The following SETD1A variants were observed in gnomAD, a reference collection of about 807,000 sequenced individuals.
The protein encoded by SETD1A is SET domain containing 1A, histone lysine methyltransferase, also known as histone-lysine N-methyltransferase SETD1A.
SETD1A carries 29 observed loss-of-function variants against 149.9 expected under a neutral mutation model. The ratio of observed to expected loss-of-function variants is 0.19; its 90% CI spans 0.14 to 0.26. The LOEUF (loss-of-function observed/expected upper bound fraction) is 0.26, where lower values mean the gene tolerates loss of function less well. SETD1A is among the 10% of genes least tolerant of loss of function. The pLI, the probability that SETD1A is intolerant of heterozygous loss-of-function variation, is 1.00. For missense variants in SETD1A, 2,109 were observed against 2,353.1 expected (o/e 0.90, Z 2.15); for synonymous variants, 1,141 against 968.5 (o/e 1.18, Z -3.31).
chr16:30,971,596 C>T lies in SETD1A; in HGVS notation c.3235C>T (p.Pro1079Ser). The stretch of plus-strand genomic sequence containing the variant: ...GCCAGCAGCCCTTCCCTCAGCCTCC[C>T]CGCCCCCCAGAGAAGTCCCAGTGCC... ...ERPAALPSAS[P>S]PPREVPVPTP... The change falls in exon 13 of 19, where the codon CCG (proline) becomes TCG (serine). Residue 1079 changes from proline (P) to serine (S), a missense_variant. Physicochemically the swap from Pro to Ser is moderately conservative, Grantham distance 74. Transcript: ENST00000262519. 3 of 1,613,898 alleles carry T rather than the reference C, an allele frequency of 1.9e-6. No homozygotes were observed. The highest frequency in any genetic ancestry group is 2.5e-6 in the Non-Finnish European group (3 of 1,179,968).
intron 13 of SETD1A, 122 bp from the exon 14 acceptor site, chr16:30,979,023 G>T: frequency 1.0e-6 from 1 of 994,144 alleles, no homozygotes; most frequent in Non-Finnish European, 1.5e-6. Context: ...GGGCGTCTGT[G>T]TTCCCTCCGG....
At chr16:30,976,015 G>A (rs2056279971) in intron 13 of SETD1A, among the ~76,000 whole-genome samples, 1 of 151,062 alleles carries the variant, frequency 6.6e-6, no homozygotes, top group South Asian at 2.1e-4. Flanking sequence ...TCGGTGGGGA[G>A]GCAGGGAGAT....
chr16:30,967,449 C>G lies in SETD1A; in HGVS notation c.2683-52C>G. 9 of 1,549,970 alleles carry G rather than the reference C, an allele frequency of 5.8e-6. 2 individuals carry two copies. The South Asian group carries it at 1.0e-4, about 17-fold the overall frequency. On this transcript the variant is annotated intron_variant, in intron 9 of 18. Coordinates refer to ENST00000262519, the MANE Select transcript of SETD1A (RefSeq NM_014712.3). The stretch of plus-strand genomic sequence containing the variant: ...GATTACAGGAGTGAGCCACCGTGCT[C>G]TGCCTGAGTGTTTGAGCTCTAAACA...
intron 4 of SETD1A, 74 bp from the exon 5 acceptor site, chr16:30,963,359 G>A: frequency 7.1e-7 from 1 of 1,398,932 alleles, no homozygotes. Context: ...TGAGGCCTGA[G>A]AAAGCAGGAA....
At chr16:30,970,169 A>G (rs1338971761) in intron 12 of SETD1A, among the ~76,000 whole-genome samples, 1 of 150,812 alleles carries the variant, frequency 6.6e-6, no homozygotes, top group South Asian at 2.1e-4. Flanking sequence ...GGGTTTCACT[A>G]TGTTGGCCAG....
rs1343198542 is a variant in SETD1A at position 30,979,526 on chromosome 16, C to T, written c.3740C>T (p.Pro1247Leu). ...GRLTEEEEAE[P>L]GTEVDLAVLA... ...CTCACCGAGGAAGAGGAGGCTGAGC[C>T]AGGGACAGAGGTGGACCTGGCGGTC... Residue 1247 changes from proline to leucine, a missense_variant, in exon 14 of 19, where the codon CCA (proline) becomes CTA (leucine). By Grantham distance (98) the Pro-to-Leu change is moderately conservative. Coordinates refer to ENST00000262519, the MANE Select transcript of SETD1A (RefSeq NM_014712.3). The T allele has an allele frequency of 5.0e-6, 8 of 1,608,046 alleles. No homozygotes were observed. Among genetic ancestry groups the T allele is most frequent in the Non-Finnish European group, 6.8e-6 (8 of 1,178,344 alleles).
At position 30,984,095 on chromosome 16, in the gene SETD1A, C is replaced by A; in HGVS notation, c.*72C>A. ...CCCTGAGCTCCCAGCACCCCCCCAG[C>A]CTTAGTGGGCTCAGCAGGGCCCACA... On this transcript the variant is annotated 3_prime_UTR_variant, in exon 19 of 19. Transcript: ENST00000262519. 7.1e-7 allele frequency: 1 copy of A among 1,417,164 alleles called. No homozygotes were observed. The highest frequency in any genetic ancestry group is 9.6e-7 in the Non-Finnish European group (1 of 1,045,934). The allele number at this position is 1,417,164 out of a possible 1,614,324, so 87.8% of individuals were successfully genotyped here. A position where few individuals can be genotyped will look rare whatever the true frequency, so the allele number is the denominator to read the frequency against.
At position 30,984,328 on chromosome 16, in the gene SETD1A, G is replaced by T. The variant is rs2056425602; in HGVS notation, c.*305G>T. On this transcript the variant is annotated 3_prime_UTR_variant, in exon 19 of 19. Coordinates refer to ENST00000262519, the MANE Select transcript of SETD1A (RefSeq NM_014712.3). ...TGCCGGCCTGTACAGATTCTGTCCTGGGGGGCTACACAGTCCTCTTGCTTT... is the reference window on the plus strand; with the variant it reads ...TGCCGGCCTGTACAGATTCTGTCCTTGGGGGCTACACAGTCCTCTTGCTTT... 1.8e-5 allele frequency: 7 copies of T among 393,764 alleles called. No homozygotes were observed. Among genetic ancestry groups the T allele is most frequent in the South Asian group, 8.6e-5 (3 of 34,818 alleles). 24.4% of individuals were successfully genotyped at this position (393,764 alleles called of 1,614,324 possible).
At position 30,980,792 on chromosome 16, in the gene SETD1A, C is replaced by G. The variant is rs148017984; in HGVS notation, c.4635C>G (p.Ser1545Arg). The G allele has an allele frequency of 6.2e-7, 1 of 1,612,908 alleles. No individual in the cohort carries two copies. Among genetic ancestry groups the G allele is most frequent in the Non-Finnish European group, 8.5e-7 (1 of 1,179,926 alleles). Residue 1545 changes from serine to arginine, a missense_variant, in exon 16 of 19, where the codon AGC (serine) becomes AGG (arginine). Ser to Arg is a moderately radical substitution (Grantham distance 110). This residue lies in a region of SETD1A where 254 missense variants were observed against 409.3 expected (regional missense o/e 0.62). Transcript: ENST00000262519. This position sits in a 1 kb window ranked among gnomAD's most constrained non-coding sequence, Gnocchi z 7.7. ...GGTCCGAGCAGCGGCGGCTGCTGAG[C>G]GCCATCGGTACCTCCGCCATCATGG... Reference protein sequence around the residue: ...ERRSEQRRLLSAIGTSAIMDS... With the variant: ...ERRSEQRRLLRAIGTSAIMDS...
At position 30,959,955 on chromosome 16, in the gene SETD1A, C is replaced by T. The variant is rs189297856; in HGVS notation, c.246+769C>T. Among the ~76,000 whole-genome samples, 51 of 152,206 alleles carry T rather than the reference C, an allele frequency of 3.4e-4. 3 individuals are homozygous for T. In the East Asian group the frequency reaches 3.7e-3, roughly 11 times the overall value. Reference sequence around the variant, plus strand: ...GGATTTAAAACAAATTATCTACCTCCTTAACCTACCTTTTTCATTTTCCCT... The same window carrying T: ...GGATTTAAAACAAATTATCTACCTCTTTAACCTACCTTTTTCATTTTCCCT... On this transcript the variant is annotated intron_variant, in intron 3 of 18. Transcript: ENST00000262519.
In SETD1A at chr16:30,966,252, G is replaced by A. The variant is rs769934494; in HGVS notation, c.2371G>A (p.Val791Met). The A allele has an allele frequency of 7.4e-6, 12 of 1,613,762 alleles. No homozygotes were observed. Among genetic ancestry groups the A allele is most frequent in the African/African-American group, 4.0e-5 (3 of 74,958 alleles). The change falls in exon 8 of 19, where the codon GTG (valine) becomes ATG (methionine). Residue 791 changes from valine to methionine, a missense_variant. Val to Met is a conservative substitution (Grantham distance 21). This residue lies in a region of SETD1A where 431 missense variants were observed against 388.6 expected (regional missense o/e 1.11). Transcript: ENST00000262519. Reference protein sequence around the residue: ...EGKTLPTAGTVGRVLAMLVQE... With the variant: ...EGKTLPTAGTMGRVLAMLVQE... ...CAAGACCCTCCCGACAGCAGGCACC[G>A]TGGGCCGTGTGCTCGCCATGCTGGT...
chr16:30,965,366 C>T lies in SETD1A; in HGVS notation c.1624C>T (p.Pro542Ser). 3 of 1,611,638 alleles carry T rather than the reference C, an allele frequency of 1.9e-6. No individual in the cohort carries two copies. Among genetic ancestry groups the T allele is most frequent in the Non-Finnish European group, 2.5e-6 (3 of 1,177,922 alleles). Reference sequence around the variant, plus strand: ...GTCAGGGCATGGGCCCTGCACACCCCCTCCGGCCCCAGCTAATTTTGAGGA... The same window carrying T: ...GTCAGGGCATGGGCCCTGCACACCCTCTCCGGCCCCAGCTAATTTTGAGGA... ...SGSGHGPCTPPPAPANFEDVA... is the reference protein window; with the variant it reads ...SGSGHGPCTPSPAPANFEDVA... The change falls in exon 7 of 19, where the codon CCT (proline) becomes TCT (serine). Residue 542 changes from proline to serine, a missense_variant. Physicochemically the swap from Pro to Ser is moderately conservative, Grantham distance 74 (BLOSUM62 -1). Transcript: ENST00000262519.
intron 5 of SETD1A, 131 bp from the exon 6 acceptor site, chr16:30,963,963 G>A: frequency 1.3e-6 from 1 of 745,606 alleles, no homozygotes; most frequent in Non-Finnish European, 2.2e-6. Context: ...CTGGACTCCA[G>A]CCTGGGCAAT....
chr16:30,965,323 G>A lies in SETD1A; in HGVS notation c.1581G>A (p.Gly527=). 1 of 1,614,236 alleles carries A rather than the reference G, an allele frequency of 6.2e-7. No homozygotes were observed. The highest frequency in any genetic ancestry group is 1.1e-5 in the South Asian group (1 of 91,088). Residue 527 remains glycine (G), a synonymous_variant, in exon 7 of 19, where the codon GGG becomes GGA. Coordinates refer to ENST00000262519, the MANE Select transcript of SETD1A (RefSeq NM_014712.3). ...SSMVLGARDT[G]SEVPSGSGHG... ...TGGTCCTTGGGGCCAGAGATACAGG[G>A]AGTGAGGTGCCTTCTGGGTCAGGGC...
At chr16:30,976,949 T>C (rs2143563931) in intron 13 of SETD1A, among the ~76,000 whole-genome samples, 1 of 151,864 alleles carries the variant, frequency 6.6e-6, no homozygotes, top group South Asian at 2.1e-4. Context: ...CTCACTGTGT[T>C]TCTTCTCTTT....
rs2143588018 is a variant in SETD1A at position 30,980,589 on chromosome 16, A to G, written c.4513A>G (p.Lys1505Glu). ...RSEGYYPISK[K>E]EKDKYLDVCP... ...CGAAGGCTACTACCCCATCAGCAAG[A>G]AGGAGAAGGACAAGTACCTGGACGT... Residue 1505 changes from lysine (K) to glutamate (E), a missense_variant, in exon 15 of 19, where the codon AAG becomes GAG. Lys to Glu is a moderately conservative substitution (Grantham distance 56, BLOSUM62 1). This residue lies in a region of SETD1A where 254 missense variants were observed against 409.3 expected (regional missense o/e 0.62). Transcript: ENST00000262519. The surrounding 1 kb of genome is among the most constrained non-coding windows in gnomAD (Gnocchi z 7.7). 1 of 1,614,082 alleles carries G rather than the reference A, an allele frequency of 6.2e-7. No individual in the cohort carries two copies. The highest frequency in any genetic ancestry group is 8.5e-7 in the Non-Finnish European group (1 of 1,180,028).
chr16:30,980,646 G>A lies in SETD1A; in HGVS notation c.4570G>A (p.Val1524Met), dbSNP rs747606608. The change falls in exon 15 of 19, where the codon GTG becomes ATG. Residue 1524 changes from valine to methionine, a missense_variant. Val to Met is a conservative substitution (Grantham distance 21, BLOSUM62 1). Coordinates refer to ENST00000262519, the MANE Select transcript of SETD1A (RefSeq NM_014712.3). The surrounding 1 kb of genome is among the most constrained non-coding windows in gnomAD (Gnocchi z 7.7). ...AGTCTCGGCCCGGCAGCTGGAGGGCGTGGACACTCAGGTGGGCCTAACCCC... is the reference window on the plus strand; with the variant it reads ...AGTCTCGGCCCGGCAGCTGGAGGGCATGGACACTCAGGTGGGCCTAACCCC... ...CPVSARQLEG[V>M]DTQGTNRVLS... 9 of 1,612,914 alleles carry A rather than the reference G, an allele frequency of 5.6e-6. No homozygotes were observed. Among genetic ancestry groups the A allele is most frequent in the South Asian group, 1.1e-5 (1 of 91,068 alleles).
rs1477231151 is a variant in SETD1A, at chr16:30,980,030, A to G, written c.4244A>G (p.Tyr1415Cys). 1 of 1,495,510 alleles carries G rather than the reference A, an allele frequency of 6.7e-7. No homozygotes were observed. Among genetic ancestry groups the G allele is most frequent in the South Asian group, 1.2e-5 (1 of 86,256 alleles). The allele number at this position is 1,495,510 out of a possible 1,614,324, so 92.6% of individuals were successfully genotyped here. A position where few individuals can be genotyped will look rare whatever the true frequency, so the allele number is the denominator to read the frequency against. ...PPPPPPPPRA[Y>C]EPRSEFEQMT... Reference sequence around the variant, plus strand: ...CCCCCGCCGCCACCGCCCCGCGCCTACGAGCCACGCAGTGAGTTTGAACAG... The same window carrying G: ...CCCCCGCCGCCACCGCCCCGCGCCTGCGAGCCACGCAGTGAGTTTGAACAG... The change falls in exon 14 of 19, where the codon TAC (tyrosine) becomes TGC (cysteine). Residue 1415 changes from tyrosine (Y) to cysteine (C), a missense_variant. By Grantham distance (194) the Tyr-to-Cys change is radical. Transcript: ENST00000262519. This position sits in a 1 kb window ranked among gnomAD's most constrained non-coding sequence, Gnocchi z 7.7.
At position 30,963,346 on chromosome 16, in the gene SETD1A, A is replaced by G. The variant is rs577319328; in HGVS notation, c.518-87A>G. 5.4e-4 allele frequency: 706 copies of G among 1,296,342 alleles called. 1 individual carries two copies. Among genetic ancestry groups the G allele is most frequent in the Non-Finnish European group, 6.6e-4 (638 of 963,642 alleles). The allele number at this position is 1,296,342 out of a possible 1,614,324, so 80.3% of individuals were successfully genotyped here. ...CCCAGATTCCAAGAAATTGTAGGAA[A>G]CTTGAGGCCTGAGAAAGCAGGAATA... On this transcript the variant is annotated intron_variant, in intron 4 of 18. Coordinates refer to ENST00000262519, the MANE Select transcript of SETD1A (RefSeq NM_014712.3).
Sources: gnomAD v4.1 joint callset for allele counts (sites outside exome capture counted in the v4.1 genomes callset) on GRCh38, gnomAD v4.1.1 for gene constraint, gnomAD v4.1.1 regional missense constraint, Gnocchi (gnomAD v3.1) non-coding constraint, MANE v1.5 for transcripts, NCBI Gene and HGNC (gene_info 2026-07-23, HGNC 2026-07-21) for gene names.